Variants in ATF2 observed in about 807,000 individuals in gnomAD.
The protein encoded by ATF2 is activating transcription factor 2, also known as cyclic AMP-dependent transcription factor ATF-2.
ATF2 carries 24 observed loss-of-function variants against 60.6 expected under a neutral mutation model. The observed-to-expected ratio is 0.40, with a 90% CI of 0.29 to 0.56. The LOEUF is 0.56. Ranked by LOEUF, ATF2 falls within the 20% of genes least tolerant of loss-of-function variation. ATF2 has a pLI of 0.54. For missense variants in ATF2, 433 were observed against 607.7 expected (o/e 0.71, Z 3.02); for synonymous variants, 206 against 215.4 (o/e 0.96, Z 0.38).
At chr2:175,146,266 C>T (rs1035268133) in intron 2 of ATF2, among the ~76,000 whole-genome samples, 40 of 152,044 alleles carry the variant, frequency 2.6e-4, no homozygotes, top group Non-Finnish European at 2.2e-4. Flanking sequence ...GAACTGTTTC[C>T]GATTTTAAAA....
chr2:175,161,584 C>T (rs146359544), intron 1 of ATF2, among the ~76,000 whole-genome samples: 2 of 152,260 alleles, frequency 1.3e-5, no homozygotes, highest in East Asian at 3.9e-4. Context: ...ATATTGATTA[C>T]ACACTTAACT....
intron 1 of ATF2, among the ~76,000 whole-genome samples, chr2:175,159,470 G>A (rs1220134687): frequency 6.6e-6 from 1 of 152,104 alleles, no homozygotes; most frequent in Admixed American, 6.6e-5. Flanking sequence ...AACAAGGAAA[G>A]CAGCAGTATT....
At chr2:175,136,656 AC>A (rs1304736950) in intron 2 of ATF2, among the ~76,000 whole-genome samples, 170 bp from the exon 3 acceptor site, 1 of 152,134 alleles carries the variant, frequency 6.6e-6, no homozygotes, top group African/African-American at 2.4e-5. Flanking sequence ...CAACACACCT[AC>A]ACAAATATCC....
intron 3 of ATF2, among the ~76,000 whole-genome samples, chr2:175,131,767 C>A (rs150474121): frequency 2.6e-5 from 4 of 152,000 alleles, no homozygotes; most frequent in African/African-American, 9.7e-5. Context: ...AGTATGGCAC[C>A]GCAGTTCTCA....
At chr2:175,124,734 A>G (rs1413563570) in intron 4 of ATF2, among the ~76,000 whole-genome samples, 2 of 151,912 alleles carry the variant, frequency 1.3e-5, no homozygotes, top group African/African-American at 4.8e-5. Flanking sequence ...TATAAAATGA[A>G]TCTTTATCTC....
At chr2:175,120,444 T>A (rs189139636) in intron 5 of ATF2, among the ~76,000 whole-genome samples, 94 of 151,838 alleles carry the variant, frequency 6.2e-4, no homozygotes, top group African/African-American at 2.1e-3. Flanking sequence ...TACCTTCAAT[T>A]TCTTCATTAC....
intron 2 of ATF2, among the ~76,000 whole-genome samples, chr2:175,142,066 A>T (rs1285022493): frequency 6.6e-6 from 1 of 152,122 alleles, no homozygotes; most frequent in Non-Finnish European, 1.5e-5. Flanking sequence ...TTGAGGTAAT[A>T]GGCAGTTATT....
At chr2:175,129,243 A>T (rs1697563149) in intron 4 of ATF2, among the ~76,000 whole-genome samples, 1 of 152,174 alleles carries the variant, frequency 6.6e-6, no homozygotes, top group Non-Finnish European at 1.5e-5. Context: ...ATTTATACAA[A>T]ATTCTGGAAA....
chr2:175,102,986 C>T (rs1695408009), intron 10 of ATF2, among the ~76,000 whole-genome samples: 1 of 152,100 alleles, frequency 6.6e-6, no homozygotes, highest in African/African-American at 2.4e-5. Context: ...TAGATTGTTT[C>T]AATTAATTAA....
At chr2:175,165,915 C>T (rs1241617921) in intron 1 of ATF2, among the ~76,000 whole-genome samples, 3 of 152,202 alleles carry the variant, frequency 2.0e-5, no homozygotes, top group Admixed American at 2.0e-4. Flanking sequence ...CCGCCCCACT[C>T]GGCCTCACGA....
intron 2 of ATF2, chr2:175,147,929 C>T (rs1223018464): frequency 6.6e-6 from 1 of 152,090 alleles, no homozygotes; most frequent in Non-Finnish European, 1.5e-5. Flanking sequence ...CTCAGGTAAA[C>T]TAGGGGAGAT....
intron 12 of ATF2, among the ~76,000 whole-genome samples, chr2:175,081,869 G>T (rs778825292): frequency 1.1e-4 from 16 of 152,120 alleles, no homozygotes; most frequent in Non-Finnish European, 2.1e-4. Flanking sequence ...TGGCCAACAT[G>T]GTGAAACCCT....
Position 175,136,520 on chromosome 2 carries a change from T to C in ATF2, c.-43-34A>G. 6 of 1,336,366 alleles carry C rather than the reference T, an allele frequency of 4.5e-6. No homozygotes were observed. In the South Asian group the frequency reaches 5.0e-5, roughly 11 times the overall value. The allele number at this position is 1,336,366 out of a possible 1,614,324, so 82.8% of individuals were successfully genotyped here. A position where few individuals can be genotyped will look rare whatever the true frequency, so the allele number is the denominator to read the frequency against. ...CAAAGTGGTTTCACACTGTTAAAAA[T>C]AGTTCTGAAACACTTCTTGAAACAG... On this transcript the variant is annotated intron_variant, in intron 2 of 13. Transcript: ENST00000264110.
At chr2:175,129,202 G>A (rs1219252351) in intron 4 of ATF2, among the ~76,000 whole-genome samples, 1 of 152,142 alleles carries the variant, frequency 6.6e-6, no homozygotes, top group Non-Finnish European at 1.5e-5. Context: ...GAATTATGTG[G>A]AGTGAAAAAA....
At chr2:175,086,436 T>C (rs1290570266) in intron 12 of ATF2, among the ~76,000 whole-genome samples, 2 of 152,094 alleles carry the variant, frequency 1.3e-5, no homozygotes, top group Non-Finnish European at 2.9e-5. Flanking sequence ...ACAGCCCTAG[T>C]AAGTATAAGC....
intron 4 of ATF2, among the ~76,000 whole-genome samples, chr2:175,122,889 T>C (rs1166230601): frequency 6.6e-6 from 1 of 152,120 alleles, no homozygotes; most frequent in African/African-American, 2.4e-5. Flanking sequence ...TTCATTAAGA[T>C]GAATTCAACT....
intron 9 of ATF2, among the ~76,000 whole-genome samples, chr2:175,113,193 TGTAA>T (rs1477499114): frequency 2.0e-5 from 3 of 152,100 alleles, no homozygotes; most frequent in African/African-American, 7.2e-5. Context: ...TTTTATGTAA[TGTAA>T]GTAAGAAAAA....
intron 3 of ATF2, among the ~76,000 whole-genome samples, chr2:175,131,446 T>C (rs1402854359): frequency 2.6e-5 from 4 of 152,168 alleles, no homozygotes; most frequent in African/African-American, 7.2e-5. Flanking sequence ...AGTTTATTAA[T>C]AGCAAATGCC....
chr2:175,081,054 G>C (rs1321406736), intron 12 of ATF2, among the ~76,000 whole-genome samples: 1 of 152,100 alleles, frequency 6.6e-6, no homozygotes, highest in African/African-American at 2.4e-5. Flanking sequence ...GTGACCTGTT[G>C]AAAGTATTTT....
Sources: gnomAD v4.1 joint callset for allele counts (sites outside exome capture counted in the v4.1 genomes callset) on GRCh38, gnomAD v4.1.1 for gene constraint, MANE v1.5 for transcripts, NCBI Gene and HGNC (gene_info 2026-07-23, HGNC 2026-07-21) for gene names.